COL25A1: variants seen among roughly 807,000 people sequenced by gnomAD.
The protein encoded by COL25A1 is collagen alpha-1(XXV) chain.
COL25A1 carries 103 observed loss-of-function variants against 128.4 expected under a neutral mutation model. That is an observed-to-expected ratio of 0.80 (90% confidence interval 0.68 to 0.94). The LOEUF is 0.94. COL25A1 is among the 40% of genes least tolerant of loss of function. The pLI is 0.00. For synonymous variants in COL25A1, 279 were observed against 277.2 expected (o/e 1.01, Z -0.06); for missense variants, 745 against 840.0 (o/e 0.89, Z 1.40).
chr4:109,212,183 T>C (rs1777619293), intron 3 of COL25A1, among the ~76,000 whole-genome samples: 1 of 152,124 alleles, frequency 6.6e-6, no homozygotes, highest in Non-Finnish European at 1.5e-5. Context: ...AGGAATAATT[T>C]ATTATTATCC....
intron 31 of COL25A1, among the ~76,000 whole-genome samples, chr4:108,836,073 T>C (rs1364480884): frequency 6.6e-6 from 1 of 151,162 alleles, no homozygotes; most frequent in Admixed American, 6.6e-5. Flanking sequence ...GGTTTCACCA[T>C]GTTAGCCAGG....
At chr4:109,028,623 G>C (rs975741738) in intron 5 of COL25A1, among the ~76,000 whole-genome samples, 2 of 152,132 alleles carry the variant, frequency 1.3e-5, no homozygotes, top group Non-Finnish European at 2.9e-5. Flanking sequence ...CTACTTGGGA[G>C]GCTGAGGCAG....
At chr4:108,840,373 C>A (rs1033017827) in intron 31 of COL25A1, among the ~76,000 whole-genome samples, 2 of 152,204 alleles carry the variant, frequency 1.3e-5, no homozygotes, top group East Asian at 1.9e-4. Flanking sequence ...TCTGACCCCC[C>A]CTCCCAGATA....
intron 24 of COL25A1, among the ~76,000 whole-genome samples, chr4:108,855,876 C>T (rs1217544244): frequency 1.3e-5 from 2 of 152,130 alleles, no homozygotes; most frequent in Admixed American, 1.3e-4. Context: ...CGATGTGGCT[C>T]ACTGTGCATT....
At chr4:109,228,823 T>C (rs1317445646) in intron 3 of COL25A1, among the ~76,000 whole-genome samples, 4 of 152,230 alleles carry the variant, frequency 2.6e-5, no homozygotes, top group African/African-American at 9.6e-5. Flanking sequence ...GTTTTTGGTA[T>C]ACTACTGTGG....
At chr4:109,134,773 C>T (rs1300553969) in intron 3 of COL25A1, among the ~76,000 whole-genome samples, 1 of 151,920 alleles carries the variant, frequency 6.6e-6, no homozygotes, top group Non-Finnish European at 1.5e-5. Context: ...GTCTGAGATG[C>T]CTGCAAACAA....
rs565085563 is a variant in COL25A1 at position 108,864,838 on chromosome 4, A to G, written c.1084-1451T>C. Among the ~76,000 whole-genome samples, 26 of 152,340 alleles carry G rather than the reference A, an allele frequency of 1.7e-4. No homozygotes were observed. The Middle Eastern group carries it at 0.01, about 60-fold the overall frequency. The stretch of plus-strand genomic sequence containing the variant: ...TATTTAATCCTCAGGACAAATGAGA[A>G]AAGTTTTATTATCCATATTCTACAG... On this transcript the variant is annotated intron_variant, in intron 20 of 37. Coordinates refer to ENST00000399132, the MANE Select transcript of COL25A1 (RefSeq NM_198721.4).
chr4:108,860,176 A>G (rs1441140158), intron 23 of COL25A1, among the ~76,000 whole-genome samples: 2 of 152,042 alleles, frequency 1.3e-5, no homozygotes, highest in Admixed American at 6.5e-5. Context: ...CAGTAGCGTG[A>G]TCTCGGCTCA....
At chr4:109,169,549 G>T (rs2126129314) in intron 3 of COL25A1, among the ~76,000 whole-genome samples, 1 of 152,204 alleles carries the variant, frequency 6.6e-6, no homozygotes, top group East Asian at 1.9e-4. Context: ...AATGACAACT[G>T]GATAAATGAT....
At chr4:109,023,848 A>G (rs1757984706) in intron 5 of COL25A1, among the ~76,000 whole-genome samples, 1 of 152,208 alleles carries the variant, frequency 6.6e-6, no homozygotes, top group Non-Finnish European at 1.5e-5. Context: ...CTGCTAAACC[A>G]TCAACAAGTG....
chr4:109,165,026 A>G (rs1429814291), intron 3 of COL25A1, among the ~76,000 whole-genome samples: 1 of 152,206 alleles, frequency 6.6e-6, no homozygotes, highest in African/African-American at 2.4e-5. Flanking sequence ...TGTTTGCAAC[A>G]AAAACTGTTA....
At chr4:108,827,060 G>T in intron 33 of COL25A1, 75 bp downstream of exon 33, 1 of 1,311,410 alleles carries the variant, frequency 7.6e-7, no homozygotes, top group Non-Finnish European at 1.1e-6. Context: ...CCCCACAAGC[G>T]AAGGGTTAAC....
At chr4:108,956,552 C>T (rs1478062922) in intron 8 of COL25A1, among the ~76,000 whole-genome samples, 9 of 152,092 alleles carry the variant, frequency 5.9e-5, no homozygotes, top group South Asian at 2.1e-4. Context: ...ATTACAGGTG[C>T]GTGCCACGGC....
At chr4:108,911,207 A>G (rs1424984721) in intron 13 of COL25A1, among the ~76,000 whole-genome samples, 1 of 152,204 alleles carries the variant, frequency 6.6e-6, no homozygotes, top group Non-Finnish European at 1.5e-5. Context: ...GATCAATGAT[A>G]TCAATAATAT....
intron 35 of COL25A1, among the ~76,000 whole-genome samples, chr4:108,822,472 A>C (rs910967258): frequency 2.0e-5 from 3 of 152,174 alleles, no homozygotes. Context: ...GCTAAAGTAC[A>C]GTGGTATGAG....
At chr4:109,279,928 T>C (rs558224666) in intron 3 of COL25A1, among the ~76,000 whole-genome samples, 66 of 152,230 alleles carry the variant, frequency 4.3e-4, no homozygotes, top group Non-Finnish European at 7.4e-4. Context: ...TCTGCTCTAA[T>C]AAAGAATTCT....
intron 3 of COL25A1, among the ~76,000 whole-genome samples, chr4:109,164,582 ATT>A (rs1404279889): frequency 6.6e-6 from 1 of 152,184 alleles, no homozygotes; most frequent in Non-Finnish European, 1.5e-5. Flanking sequence ...CAAGTTTGTA[ATT>A]CAAACTAGGT....
chr4:109,223,937 T>C (rs1032661825), intron 3 of COL25A1, among the ~76,000 whole-genome samples: 1 of 152,208 alleles, frequency 6.6e-6, no homozygotes, highest in Non-Finnish European at 1.5e-5. Context: ...AGTATACCTA[T>C]ATCTACCGAT....
chr4:108,873,301 A>T (rs1322172586), intron 19 of COL25A1, among the ~76,000 whole-genome samples: 2 of 152,322 alleles, frequency 1.3e-5, no homozygotes, highest in East Asian at 3.9e-4. Context: ...CAAAAAGTTC[A>T]AGAACTGCTA....
Sources: allele counts gnomAD v4.1 joint callset (sites outside exome capture counted in the v4.1 genomes callset), GRCh38; gene constraint gnomAD v4.1.1; transcripts MANE v1.5; gene names NCBI Gene and HGNC (gene_info 2026-07-23, HGNC 2026-07-21).